ABCA13: variants seen among roughly 807,000 people sequenced by gnomAD.
ABCA13 encodes ATP-binding cassette sub-family A member 13.
In ABCA13, 476 loss-of-function variants were observed where a neutral mutation model predicts 478.7. The ratio of observed to expected loss-of-function variants is 0.99; its 90% CI spans 0.92 to 1.07. The LOEUF (loss-of-function observed/expected upper bound fraction) is 1.07, where lower values mean the gene tolerates loss of function less well. Among genes scored for constraint, ABCA13 ranks in the 50% least tolerant of loss-of-function variants. The pLI, the probability that ABCA13 is intolerant of heterozygous loss-of-function variation, is 0.00. For synonymous variants in ABCA13, 2,252 were observed against 2,158.9 expected, an observed-to-expected ratio of 1.04 and a Z score of -1.20; for missense variants, 6,060 against 5,910.6, an observed-to-expected ratio of 1.03 and a Z score of -0.83.
At chr7:48,422,843 G>A (rs572657677) in intron 41 of ABCA13, among the ~76,000 whole-genome samples, 14 of 152,354 alleles carry the variant, frequency 9.2e-5, no homozygotes, top group African/African-American at 3.4e-4. Context: ...AGGTCAGAGA[G>A]GAAGAAGGTG....
rs1046902608 is a variant in ABCA13 at position 48,580,155 on chromosome 7, C to T, written c.14355-69C>T. 4.1e-6 allele frequency: 6 copies of T among 1,462,392 alleles called. No individual in the cohort carries two copies. The Admixed American group carries it at 1.2e-4, about 30-fold the overall frequency. The allele number at this position is 1,462,392 out of a possible 1,614,324, so 90.6% of individuals were successfully genotyped here. ...CAGTGGACTTGTTATTGATGAGCCA[C>T]ATTTTAAAAATGGGTTGGTGCCAGT... On this transcript the variant is annotated intron_variant, in intron 55 of 61. Transcript: ENST00000435803.
intron 5 of ABCA13, among the ~76,000 whole-genome samples, chr7:48,225,135 G>GCCTGCCTGCCTTCCTTCCTTCCTT (rs1312566145): frequency 2.9e-4 from 20 of 69,890 alleles, no homozygotes; most frequent in East Asian, 1.2e-3. Flanking sequence ...CTGCCTGCCT[G>GCCTGCCTGCCTTCCTTCCTTCCTT]CCTTCCTTCC....
intron 41 of ABCA13, among the ~76,000 whole-genome samples, chr7:48,413,674 G>A (rs946126314): frequency 1.3e-5 from 2 of 152,212 alleles, no homozygotes; most frequent in African/African-American, 4.8e-5. Flanking sequence ...GGTTAGTGAT[G>A]CAGGAGGAAA....
At chr7:48,227,596 G>A (rs1029106896) in intron 6 of ABCA13, among the ~76,000 whole-genome samples, 171 bp downstream of exon 6, 15 of 152,152 alleles carry the variant, frequency 9.9e-5, no homozygotes, top group Admixed American at 9.2e-4. Context: ...ATCTGTCTGT[G>A]TACATATTTT....
chr7:48,487,071 G>C (rs985481660), intron 47 of ABCA13, among the ~76,000 whole-genome samples: 3 of 152,082 alleles, frequency 2.0e-5, no homozygotes, highest in Non-Finnish European at 2.9e-5. Context: ...AGCACTTTGG[G>C]AGTCCAAAGT....
rs1458653471 is a variant in ABCA13 at position 48,367,810 on chromosome 7, G to A, written c.10705G>A (p.Gly3569Ser). 2.6e-6 allele frequency: 4 copies of A among 1,567,388 alleles called. No individual in the cohort carries two copies. Among genetic ancestry groups the A allele is most frequent in the Non-Finnish European group, 3.5e-6 (4 of 1,154,670 alleles). Residue 3569 changes from glycine to serine, a missense_variant, in exon 32 of 62, where the codon GGT becomes AGT. Gly to Ser is a moderately conservative substitution (Grantham distance 56). Transcript: ENST00000435803. ...CCCTTACAGATTCCTGAACAACGTT[G>A]GTTTCTTTTTTCCACTGATAATGAT... is the stretch of plus-strand genomic sequence containing the variant. ...HTSDLFLNNV[G>S]FFFPLIMMLT... is the part of the protein sequence containing the mutation.
intron 35 of ABCA13, among the ~76,000 whole-genome samples, chr7:48,384,343 A>G (rs1814844232): frequency 6.6e-6 from 1 of 152,368 alleles, no homozygotes; most frequent in Admixed American, 6.5e-5. Flanking sequence ...TTCTTGTTGT[A>G]AAAGGCAACC....
At chr7:48,310,217 C>A in intron 24 of ABCA13, 76 bp downstream of exon 24, 1 of 1,484,098 alleles carries the variant, frequency 6.7e-7, no homozygotes, top group Non-Finnish European at 9.1e-7. Context: ...TACAGTAGTC[C>A]TAGGGGTGCG....
intron 58 of ABCA13, among the ~76,000 whole-genome samples, chr7:48,608,605 G>A (rs1168520544): frequency 9.9e-5 from 15 of 152,246 alleles, no homozygotes; most frequent in Admixed American, 9.8e-4. Context: ...CTGGACCTGG[G>A]CATTACCCAA....
chr7:48,507,880 G>C lies in ABCA13; in HGVS notation c.13355G>C (p.Ser4452Thr). 6.2e-7 allele frequency: 1 copy of C among 1,607,770 alleles called. No individual in the cohort carries two copies. Among genetic ancestry groups the C allele is most frequent in the Non-Finnish European group, 8.5e-7 (1 of 1,176,894 alleles). ...CTCTGTTCCACCCGCAGCCTGGAGA[G>C]CATCCGTCAGTGTGGAGTGGCCCTC... ...ALLNEDKILE[S>T]IRQCGVALCI... Residue 4452 changes from serine (S) to threonine (T), a missense_variant, in exon 50 of 62, where the codon AGC (serine) becomes ACC (threonine). This residue lies in a region of ABCA13 where 1,627 missense variants were observed against 1,571.0 expected (regional missense o/e 1.04). Coordinates refer to ENST00000435803, the MANE Select transcript of ABCA13 (RefSeq NM_152701.5).
Position 48,318,658 on chromosome 7 carries a change from G to T in ABCA13, c.9999+1362G>T, listed in dbSNP as rs1251611731. On this transcript the variant is annotated intron_variant, in intron 27 of 61. Coordinates refer to ENST00000435803, the MANE Select transcript of ABCA13 (RefSeq NM_152701.5). ...GTATATCCTCAGTGTGAGCTGTTCT[G>T]TTGGGCAGGAACTCTGGCCTCACAG... Among the ~76,000 whole-genome samples the T allele has an allele frequency of 2.6e-5, 4 of 151,968 alleles. No homozygotes were observed. In the East Asian group the frequency reaches 7.7e-4, roughly 29 times the overall value.
At chr7:48,186,641 C>A (rs192168899) in intron 1 of ABCA13, among the ~76,000 whole-genome samples, 4 of 152,024 alleles carry the variant, frequency 2.6e-5, no homozygotes, top group Admixed American at 2.6e-4. Flanking sequence ...CTCTCCACTC[C>A]CCTTGAGGGG....
chr7:48,598,691 T>C (rs1347659381), intron 58 of ABCA13, among the ~76,000 whole-genome samples: 1 of 152,158 alleles, frequency 6.6e-6, no homozygotes, highest in Non-Finnish European at 1.5e-5. Context: ...AAATTTTGAT[T>C]ACATTCAGTT....
intron 50 of ABCA13, among the ~76,000 whole-genome samples, chr7:48,508,377 A>G (rs1378359721): frequency 6.6e-6 from 1 of 152,136 alleles, no homozygotes; most frequent in Admixed American, 6.5e-5. Flanking sequence ...GGTGATAAAA[A>G]TCATTAGAAA....
chr7:48,613,962 GTATTA>G (rs927821167), intron 58 of ABCA13, among the ~76,000 whole-genome samples: 2 of 146,534 alleles, frequency 1.4e-5, no homozygotes, highest in East Asian at 2.0e-4. Context: ...GTTATTTATG[GTATTA>G]TATTTTATAT....
chr7:48,511,210 A>G lies in ABCA13; in HGVS notation c.13640+11A>G. ...GCTGTCACTTTTCGGGTATGTGATG[A>G]GAAACGCTGCTGCAGAATTACGGTT... On this transcript the variant is annotated intron_variant, in intron 51 of 61. Transcript: ENST00000435803. The G allele has an allele frequency of 6.3e-7, 1 of 1,597,642 alleles. No homozygotes were observed. The highest frequency in any genetic ancestry group is 8.6e-7 in the Non-Finnish European group (1 of 1,169,238).
chr7:48,294,689 A>C (rs966645576), intron 20 of ABCA13, among the ~76,000 whole-genome samples: 1 of 144,962 alleles, frequency 6.9e-6, no homozygotes, highest in African/African-American at 2.6e-5. Flanking sequence ...CTCATGATCC[A>C]CCCGCCTCGG....
chr7:48,380,948 C>A (rs1814267504), intron 35 of ABCA13, among the ~76,000 whole-genome samples: 1 of 152,190 alleles, frequency 6.6e-6, no homozygotes, highest in South Asian at 2.1e-4. Flanking sequence ...TACCAGCCAA[C>A]TAGGGACAGA....
rs571424167 is a variant in ABCA13, at chr7:48,535,824, T to TAC, written c.14354+7481_14354+7482dup. ...AGTCACAGGCTTTACCCCGCTGCCA[T>TAC]ACAGCCTGCAGTCCTAAAGACAGGT... is the stretch of plus-strand genomic sequence containing the variant. On this transcript the variant is annotated intron_variant, in intron 55 of 61. Coordinates refer to ENST00000435803, the MANE Select transcript of ABCA13 (RefSeq NM_152701.5). Among the ~76,000 whole-genome samples the TAC allele has an allele frequency of 1.6e-3, 251 of 152,248 alleles. 1 individual carries two copies. The highest frequency in any genetic ancestry group is 5.7e-3 in the African/African-American group (235 of 41,562).
Sources: allele counts gnomAD v4.1 joint callset (sites outside exome capture counted in the v4.1 genomes callset), GRCh38; gene constraint gnomAD v4.1.1; regional missense constraint gnomAD v4.1.1; transcripts MANE v1.5; gene names NCBI Gene and HGNC (gene_info 2026-07-23, HGNC 2026-07-21).